Variants in MARCOL observed in about 807,000 individuals in gnomAD.
MARCOL encodes MARCO like, also known as MARCO-like protein.
At chr5:148,239,430 C>T (rs895007323) in intron 1 of MARCOL, among the ~76,000 whole-genome samples, 2 of 151,852 alleles carry the variant, frequency 1.3e-5, no homozygotes, top group South Asian at 4.1e-4. Flanking sequence ...AAGTAAAGTG[C>T]CTCAGACCCC....
At chr5:148,241,775 T>A (rs548576337) in intron 1 of MARCOL, among the ~76,000 whole-genome samples, 1 of 152,232 alleles carries the variant, frequency 6.6e-6, no homozygotes, top group South Asian at 2.1e-4. Flanking sequence ...ATATTTACCA[T>A]TCTCTTGAGC....
rs1481598563 is a variant in MARCOL at position 148,238,575 on chromosome 5, A to G, written c.-23A>G. The G allele has an allele frequency of 2.5e-6, 1 of 397,964 alleles. No homozygotes were observed. The highest frequency in any genetic ancestry group is 4.4e-6 in the Non-Finnish European group (1 of 225,350). 24.7% of individuals were successfully genotyped at this position (397,964 alleles called of 1,614,324 possible). On this transcript the variant is annotated 5_prime_UTR_variant, in exon 1 of 2. Coordinates refer to ENST00000638089, the MANE Select transcript of MARCOL (RefSeq NM_001363511.2). ...TAGGCTTAACTCCACCCAACAGCCA[A>G]GTCTGAAACCACTGACGGTACCATG...
At chr5:148,241,526 A>T (rs1405866106) in intron 1 of MARCOL, among the ~76,000 whole-genome samples, 1 of 13,176 alleles carries the variant, frequency 7.6e-5, no homozygotes, top group Non-Finnish European at 2.5e-3. Flanking sequence ...ACTTCTACCA[A>T]AAAAAAAAAA....
chr5:148,243,061 T>A lies in MARCOL; in HGVS notation c.665T>A (p.Leu222Gln), dbSNP rs1330132758. 7.6e-6 allele frequency: 3 copies of A among 395,118 alleles called. No individual in the cohort carries two copies. Among genetic ancestry groups the A allele is most frequent in the African/African-American group, 2.1e-5 (1 of 47,738 alleles). 24.5% of individuals were successfully genotyped at this position (395,118 alleles called of 1,614,324 possible). A position where few individuals can be genotyped will look rare whatever the true frequency, so the allele number is the denominator to read the frequency against. Residue 222 changes from leucine to glutamine, a missense_variant, in exon 2 of 2, where the codon CTA becomes CAA. Transcript: ENST00000638089. Reference protein sequence around the residue: ...KPGSSSQQGNLGTSGQQEKPG... With the variant: ...KPGSSSQQGNQGTSGQQEKPG... ...GGGTCATCTAGCCAACAAGGAAATC[T>A]AGGAACTTCTGGCCAACAGGAGAAG...
Position 148,243,387 on chromosome 5 carries a change from G to C in MARCOL, c.*133G>C. ...GTCATCTAGCCAACAAGGGAAGCCA[G>C]TGTCATCTAGCCAACAAGGGAAGCC... On this transcript the variant is annotated 3_prime_UTR_variant, in exon 2 of 2. Coordinates refer to ENST00000638089, the MANE Select transcript of MARCOL (RefSeq NM_001363511.2). 2.5e-6 allele frequency: 1 copy of C among 397,540 alleles called. No individual in the cohort carries two copies. The highest frequency in any genetic ancestry group is 4.4e-6 in the Non-Finnish European group (1 of 225,832). 24.6% of individuals were successfully genotyped at this position (397,540 alleles called of 1,614,324 possible).
rs146828498 is a variant in MARCOL, at chr5:148,242,491, A to G, written c.95A>G (p.Glu32Gly). ...ISNTSVFKLE[E>G]NPKPALILEE... ...AATACCAGTGTTTTCAAACTAGAAG[A>G]GAATCCAAAACCTGCACTTATTCTG... is the stretch of plus-strand genomic sequence containing the variant. The change falls in exon 2 of 2, where the codon GAG becomes GGG. Residue 32 changes from glutamate to glycine, a missense_variant. Physicochemically the swap from Glu to Gly is moderately conservative, Grantham distance 98. Transcript: ENST00000638089. 1,195 of 398,308 alleles carry G rather than the reference A, an allele frequency of 3.0e-3. 12 individuals carry two copies. Among genetic ancestry groups the G allele is most frequent in the African/African-American group, 0.022 (1,091 of 48,724 alleles). The allele number at this position is 398,308 out of a possible 1,614,324, so 24.7% of individuals were successfully genotyped here.
chr5:148,243,534 C>A lies in MARCOL; in HGVS notation c.*280C>A. 8.2e-5 allele frequency: 26 copies of A among 316,778 alleles called. No homozygotes were observed. The highest frequency in any genetic ancestry group is 1.1e-4 in the Non-Finnish European group (20 of 174,636). 19.6% of individuals were successfully genotyped at this position (316,778 alleles called of 1,614,324 possible). A position where few individuals can be genotyped will look rare whatever the true frequency, so the allele number is the denominator to read the frequency against. Reference sequence around the variant, plus strand: ...GGAATGGAAGCCAGAGCCATCTAGCCATCAGAGAAAATTAAGGTCATTTTA... The same window carrying A: ...GGAATGGAAGCCAGAGCCATCTAGCAATCAGAGAAAATTAAGGTCATTTTA... On this transcript the variant is annotated 3_prime_UTR_variant, in exon 2 of 2. Coordinates refer to ENST00000638089, the MANE Select transcript of MARCOL (RefSeq NM_001363511.2).
At chr5:148,241,072 TA>T (rs1261825864) in intron 1 of MARCOL, among the ~76,000 whole-genome samples, 1 of 152,006 alleles carries the variant, frequency 6.6e-6, no homozygotes. Flanking sequence ...TTTAAATTTA[TA>T]TTTTTTTGTT....
Position 148,243,133 on chromosome 5 carries a change from A to G in MARCOL, c.737A>G (p.Gln246Arg), listed in dbSNP as rs1267413747. Residue 246 changes from glutamine (Q) to arginine (R), a missense_variant, in exon 2 of 2, where the codon CAA becomes CGA. Transcript: ENST00000638089. Reference protein sequence around the residue: ...QQGKPGLSSHQGKPGSSSQQG... With the variant: ...QQGKPGLSSHRGKPGSSSQQG... ...GGGAAGCCAGGGTTGTCTAGCCATCAAGGGAAGCCAGGGTCATCTAGCCAA... is the reference window on the plus strand; with the variant it reads ...GGGAAGCCAGGGTTGTCTAGCCATCGAGGGAAGCCAGGGTCATCTAGCCAA... The G allele has an allele frequency of 2.5e-6, 1 of 398,926 alleles. No homozygotes were observed. The highest frequency in any genetic ancestry group is 1.3e-4 in the South Asian group (1 of 7,878). 24.7% of individuals were successfully genotyped at this position (398,926 alleles called of 1,614,324 possible).
chr5:148,239,330 A>T (rs1378271899), intron 1 of MARCOL, among the ~76,000 whole-genome samples: 9 of 152,140 alleles, frequency 5.9e-5, no homozygotes, highest in African/African-American at 2.2e-4. Flanking sequence ...CAAGATAAAA[A>T]TTATAATAAT....
At chr5:148,239,341 G>A (rs1450492265) in intron 1 of MARCOL, among the ~76,000 whole-genome samples, 1 of 151,872 alleles carries the variant, frequency 6.6e-6, no homozygotes, top group African/African-American at 2.4e-5. Flanking sequence ...TTATAATAAT[G>A]AAACTGATTC....
intron 1 of MARCOL, among the ~76,000 whole-genome samples, chr5:148,242,000 G>A (rs185520100): frequency 7.6e-4 from 115 of 152,282 alleles, no homozygotes; most frequent in Non-Finnish European, 1.1e-3. Flanking sequence ...TGGGGCTCAC[G>A]TCTGCCAGCC....
chr5:148,239,570 T>C (rs1442209344), intron 1 of MARCOL, among the ~76,000 whole-genome samples: 1 of 151,774 alleles, frequency 6.6e-6, no homozygotes, highest in East Asian at 1.9e-4. Flanking sequence ...CTTGTGGTAA[T>C]ACTAAAAATG....
chr5:148,239,232 A>T (rs921606733), intron 1 of MARCOL, among the ~76,000 whole-genome samples: 1 of 151,900 alleles, frequency 6.6e-6, no homozygotes, highest in African/African-American at 2.4e-5. Context: ...TCCTTACCTC[A>T]GTACAGTTAG....
At position 148,238,592 on chromosome 5, in the gene MARCOL, G is replaced by A. The variant is rs928445878; in HGVS notation, c.-6G>A. On this transcript the variant is annotated 5_prime_UTR_variant, in exon 1 of 2. Transcript: ENST00000638089. ...AACAGCCAAGTCTGAAACCACTGAC[G>A]GTACCATGAGGGCTTTCATTTTCTT... 1.8e-5 allele frequency: 7 copies of A among 397,998 alleles called. No homozygotes were observed. The highest frequency in any genetic ancestry group is 4.4e-5 in the Admixed American group (1 of 22,652). The allele number at this position is 397,998 out of a possible 1,614,324, so 24.7% of individuals were successfully genotyped here. A position where few individuals can be genotyped will look rare whatever the true frequency, so the allele number is the denominator to read the frequency against.
rs1050811143 is a variant in MARCOL, at chr5:148,243,251, A to G, written c.855A>G (p.Leu285=). 5 of 398,830 alleles carry G rather than the reference A, an allele frequency of 1.3e-5. No individual in the cohort carries two copies. The highest frequency in any genetic ancestry group is 2.2e-5 in the Non-Finnish European group (5 of 226,438). 24.7% of individuals were successfully genotyped at this position (398,830 alleles called of 1,614,324 possible). The change falls in exon 2 of 2, where the codon CTA becomes CTG. Residue 285 remains leucine (L), a synonymous_variant. Coordinates refer to ENST00000638089, the MANE Select transcript of MARCOL (RefSeq NM_001363511.2). ...GTTCATCCAGCCGTCAAGGAAATCT[A>G]TGATTATCTAGCCAGCAAGGGAATA... ...KPGSSSRQGN[L] is the part of the protein sequence containing the mutation.
chr5:148,241,905 A>G (rs1160289375), intron 1 of MARCOL, among the ~76,000 whole-genome samples: 1 of 152,132 alleles, frequency 6.6e-6, no homozygotes. Context: ...CTGAAGGAGA[A>G]AGGAAACATC....
rs950782719 is a variant in MARCOL, at chr5:148,243,393, T to A, written c.*139T>A. ...TAGCCAACAAGGGAAGCCAGTGTCA[T>A]CTAGCCAACAAGGGAAGCCAGGGGC... is the stretch of plus-strand genomic sequence containing the variant. On this transcript the variant is annotated 3_prime_UTR_variant, in exon 2 of 2. Coordinates refer to ENST00000638089, the MANE Select transcript of MARCOL (RefSeq NM_001363511.2). The A allele has an allele frequency of 1.0e-4, 41 of 397,416 alleles. No individual in the cohort carries two copies. The highest frequency in any genetic ancestry group is 7.8e-4 in the African/African-American group (38 of 48,564). 24.6% of individuals were successfully genotyped at this position (397,416 alleles called of 1,614,324 possible). A position where few individuals can be genotyped will look rare whatever the true frequency, so the allele number is the denominator to read the frequency against.
At chr5:148,242,201 A>T (rs1198070571) in intron 1 of MARCOL, among the ~76,000 whole-genome samples, 1 of 152,176 alleles carries the variant, frequency 6.6e-6, no homozygotes, top group East Asian at 1.9e-4. Context: ...TTTATGATTT[A>T]GAAATGGGGC....
Sources: gnomAD v4.1 joint callset for allele counts (sites outside exome capture counted in the v4.1 genomes callset) on GRCh38, gnomAD v4.1.1 for gene constraint, MANE v1.5 for transcripts, NCBI Gene and HGNC (gene_info 2026-07-23, HGNC 2026-07-21) for gene names.